NCALD: variants seen among roughly 807,000 people sequenced by gnomAD.
The protein encoded by NCALD is neurocalcin-delta.
A neutral mutation model predicts 18.6 loss-of-function variants in NCALD; 10 were observed. The ratio of observed to expected loss-of-function variants is 0.54; its 90% CI spans 0.33 to 0.91. The LOEUF is 0.91. NCALD is among the 40% of genes least tolerant of loss of function. The probability of loss-of-function intolerance (pLI) is 0.03; values close to 1 mark genes in which losing one functional copy is unlikely to be tolerated. For synonymous variants in NCALD, 88 were observed against 87.4 expected (o/e 1.01, Z -0.04); for missense variants, 184 against 247.6 (o/e 0.74, Z 1.72).
At chr8:101,872,734 C>T (rs969921559) in intron 4 of NCALD, among the ~76,000 whole-genome samples, 1 of 152,186 alleles carries the variant, frequency 6.6e-6, no homozygotes, top group Non-Finnish European at 1.5e-5. Flanking sequence ...AGGAAGTCTA[C>T]ACTCATTTCT....
chr8:102,060,190 C>G (rs1193194944), intron 1 of NCALD, among the ~76,000 whole-genome samples: 1 of 150,468 alleles, frequency 6.6e-6, no homozygotes, highest in African/African-American at 2.5e-5. Context: ...ACTGTGTTAG[C>G]CAGGATGGTC....
At chr8:102,107,146 A>G (rs1329468384) in intron 1 of NCALD, among the ~76,000 whole-genome samples, 1 of 146,724 alleles carries the variant, frequency 6.8e-6, no homozygotes, top group Non-Finnish European at 1.5e-5. Context: ...CTTGCAAAGA[A>G]ACTTTTTAAT....
intron 1 of NCALD, among the ~76,000 whole-genome samples, chr8:101,720,476 A>G (rs968677324): frequency 5.1e-4 from 78 of 152,194 alleles, no homozygotes; most frequent in Non-Finnish European, 1.2e-4. Context: ...AGAGATAACA[A>G]TTGCTAGCAT....
chr8:101,927,512 C>T (rs1563903930), intron 2 of NCALD, among the ~76,000 whole-genome samples: 1 of 152,156 alleles, frequency 6.6e-6, no homozygotes, highest in Non-Finnish European at 1.5e-5. Context: ...GAGGAGCCAA[C>T]CTCGCCAAGA....
chr8:101,835,376 C>T (rs568865744), intron 4 of NCALD, among the ~76,000 whole-genome samples: 1 of 152,374 alleles, frequency 6.6e-6, no homozygotes, highest in South Asian at 2.1e-4. Flanking sequence ...AGATATCTGG[C>T]AATGCCTGGA....
intron 4 of NCALD, among the ~76,000 whole-genome samples, chr8:101,826,767 C>A (rs777186708): frequency 2.0e-5 from 3 of 152,170 alleles, no homozygotes; most frequent in Non-Finnish European, 4.4e-5. Context: ...AGGATCCTGG[C>A]TTAACAATTC....
At chr8:101,778,195 G>A (rs907070955) in intron 1 of NCALD, among the ~76,000 whole-genome samples, 2 of 152,146 alleles carry the variant, frequency 1.3e-5, no homozygotes, top group East Asian at 1.9e-4. Flanking sequence ...CCTGTGAGCC[G>A]AACTGCCAGC....
Position 101,688,850 on chromosome 8 carries a change from C to G in NCALD, c.*459G>C. 1 of 624,394 alleles carries G rather than the reference C, an allele frequency of 1.6e-6. No homozygotes were observed. Among genetic ancestry groups the G allele is most frequent in the Admixed American group, 2.5e-5 (1 of 40,332 alleles). 38.7% of individuals were successfully genotyped at this position (624,394 alleles called of 1,614,324 possible). A position where few individuals can be genotyped will look rare whatever the true frequency, so the allele number is the denominator to read the frequency against. On this transcript the variant is annotated 3_prime_UTR_variant, in exon 4 of 4. Transcript: ENST00000220931. ...GCCTCACCCCAGAGGGTAACTTGTTCTTGGGGAATCCAGCATCCGGTGCCA... is the reference window on the plus strand; with the variant it reads ...GCCTCACCCCAGAGGGTAACTTGTTGTTGGGGAATCCAGCATCCGGTGCCA...
At position 101,767,908 on chromosome 8, in the gene NCALD, G is replaced by A. The variant is rs142964474; in HGVS notation, c.-20+22954C>T. 9.6e-3 allele frequency among the ~76,000 whole-genome samples: 1,467 copies of A among 152,286 alleles called. 13 individuals carry two copies. Among genetic ancestry groups the A allele is most frequent in the Non-Finnish European group, 0.013 (889 of 68,036 alleles). ...AGGTTAGAGCAAGAGTAGGCCTGTT[G>A]AACTACTCTGCCCATAGTCAGTAAC... On this transcript the variant is annotated intron_variant, in intron 1 of 3. Coordinates refer to ENST00000220931, the MANE Select transcript of NCALD (RefSeq NM_032041.3).
intron 1 of NCALD, among the ~76,000 whole-genome samples, chr8:101,774,210 T>A (rs1227673422): frequency 6.6e-6 from 1 of 152,224 alleles, no homozygotes; most frequent in Admixed American, 6.5e-5. Flanking sequence ...CTTGGGAATA[T>A]GAATCAAAAG....
chr8:101,789,411 C>T (rs1812367037), intron 1 of NCALD, among the ~76,000 whole-genome samples: 1 of 152,046 alleles, frequency 6.6e-6, no homozygotes, highest in Non-Finnish European at 1.5e-5. Context: ...ACAGACATGT[C>T]AAATGCCAGC....
intron 1 of NCALD, among the ~76,000 whole-genome samples, chr8:102,040,328 G>A (rs1423572743): frequency 6.6e-6 from 1 of 152,038 alleles, no homozygotes; most frequent in Non-Finnish European, 1.5e-5. Context: ...ACAAAAAATA[G>A]CCAGGCATGA....
At chr8:102,112,253 C>T (rs764778114) in intron 1 of NCALD, among the ~76,000 whole-genome samples, 3 of 152,144 alleles carry the variant, frequency 2.0e-5, no homozygotes, top group Non-Finnish European at 2.9e-5. Context: ...CCCTCTCAAC[C>T]CTCACAGTAA....
At chr8:101,726,475 T>A (rs975663266) in intron 1 of NCALD, among the ~76,000 whole-genome samples, 1 of 152,072 alleles carries the variant, frequency 6.6e-6, no homozygotes, top group Non-Finnish European at 1.5e-5. Flanking sequence ...CAGGCTTGGT[T>A]GATGGTTCAT....
chr8:101,998,697 C>G (rs115627248), intron 2 of NCALD, among the ~76,000 whole-genome samples: 2 of 152,246 alleles, frequency 1.3e-5, no homozygotes, highest in East Asian at 1.9e-4. Context: ...TTTTTGGGAG[C>G]CAGATCACCC....
At chr8:101,887,363 A>G (rs1310221202) in intron 3 of NCALD, 1 of 152,216 alleles carries the variant, frequency 6.6e-6, no homozygotes, top group Non-Finnish European at 1.5e-5. Context: ...CTACAAGAAC[A>G]CTGACGTGTA....
intron 1 of NCALD, among the ~76,000 whole-genome samples, chr8:102,038,841 A>G (rs1230196797): frequency 6.6e-6 from 1 of 152,146 alleles, no homozygotes. Context: ...ATTAGGTTAA[A>G]TTATATGGCA....
intron 1 of NCALD, among the ~76,000 whole-genome samples, chr8:101,773,671 C>T (rs1811676606): frequency 6.6e-6 from 1 of 152,182 alleles, no homozygotes; most frequent in South Asian, 2.1e-4. Flanking sequence ...CCAGCAGTGG[C>T]ATTTTATTAA....
chr8:101,956,596 G>A (rs1819632169), intron 2 of NCALD, among the ~76,000 whole-genome samples: 1 of 151,968 alleles, frequency 6.6e-6, no homozygotes, highest in Admixed American at 6.6e-5. Context: ...GGAGAGGGAG[G>A]TGGAGAGAGA....
Sources: allele counts gnomAD v4.1 joint callset (sites outside exome capture counted in the v4.1 genomes callset), GRCh38; gene constraint gnomAD v4.1.1; transcripts MANE v1.5; gene names NCBI Gene and HGNC (gene_info 2026-07-23, HGNC 2026-07-21).